NREP: variants seen among roughly 807,000 people sequenced by gnomAD.
NREP encodes the protein neuronal regeneration related protein.
Under a neutral mutation model 8.6 loss-of-function variants are expected in NREP, and 5 were observed. The observed-to-expected ratio is 0.58, with a 90% confidence interval of 0.30 to 1.22. NREP has a LOEUF of 1.22. Ranked by LOEUF, NREP falls within the 50% of genes most tolerant of loss-of-function variation. NREP has a pLI of 0.07. For synonymous variants in NREP, 27 were observed against 28.0 expected, an observed-to-expected ratio of 0.96 and a Z score of 0.11; for missense variants, 86 against 82.5, an observed-to-expected ratio of 1.04 and a Z score of -0.17.
chr5:111,824,940 A>G (rs1752588602), intron 2 of NREP, among the ~76,000 whole-genome samples: 1 of 152,196 alleles, frequency 6.6e-6, no homozygotes, highest in African/African-American at 2.4e-5. Flanking sequence ...CAATAAATGC[A>G]TTACATATAT....
At chr5:111,779,911 T>G (rs1751453538) in intron 2 of NREP, among the ~76,000 whole-genome samples, 2 of 152,222 alleles carry the variant, frequency 1.3e-5, no homozygotes, top group Non-Finnish European at 2.9e-5. Context: ...ATTTTTATTT[T>G]TGCCTCAGAA....
chr5:111,925,490 T>A (rs1278620530), intron 2 of NREP, among the ~76,000 whole-genome samples: 1 of 152,146 alleles, frequency 6.6e-6, no homozygotes, highest in Non-Finnish European at 1.5e-5. Flanking sequence ...CTCCTCCCGA[T>A]CCCTGCTGTA....
At position 111,730,528 on chromosome 5, in the gene NREP, G is replaced by GA. The variant is rs1229497896; in HGVS notation, c.*392dup. 3.0e-3 allele frequency: 349 copies of GA among 115,696 alleles called. 1 individual carries two copies. Among genetic ancestry groups the GA allele is most frequent in the African/African-American group, 0.012 (331 of 26,906 alleles). The allele number at this position is 115,696 out of a possible 1,614,324, so 7.2% of individuals were successfully genotyped here. A position where few individuals can be genotyped will look rare whatever the true frequency, so the allele number is the denominator to read the frequency against. On this transcript the variant is annotated 3_prime_UTR_variant, in exon 4 of 4. Coordinates refer to ENST00000257435, the MANE Select transcript of NREP (RefSeq NM_004772.4). ...ACTACTAGGTTTGTTACATCTAAAT[G>GA]AAAAAAAAGGTGGGGGGGGGACTCT...
intron 2 of NREP, among the ~76,000 whole-genome samples, chr5:111,875,928 G>A (rs559481637): frequency 2.6e-5 from 4 of 152,282 alleles, no homozygotes; most frequent in Admixed American, 2.0e-4. Flanking sequence ...CCGATCTGCC[G>A]TGAAATGTAA....
At chr5:111,877,742 G>T (rs1753944791) in intron 2 of NREP, among the ~76,000 whole-genome samples, 1 of 152,156 alleles carries the variant, frequency 6.6e-6, no homozygotes, top group Non-Finnish European at 1.5e-5. Flanking sequence ...CCAAAAACAT[G>T]GTTGATATAA....
chr5:111,776,443 T>A (rs1301166058), intron 2 of NREP, among the ~76,000 whole-genome samples: 2 of 152,164 alleles, frequency 1.3e-5, no homozygotes, highest in Non-Finnish European at 2.9e-5. Context: ...TACACCTACC[T>A]ATTGCATGAC....
intron 2 of NREP, among the ~76,000 whole-genome samples, chr5:111,807,511 T>C (rs1468442949): frequency 6.6e-6 from 1 of 152,172 alleles, no homozygotes; most frequent in Admixed American, 6.5e-5. Context: ...AAAATTTTCA[T>C]TTTAAACAAG....
At chr5:111,732,053 A>T (rs1335618485) in intron 3 of NREP, 1 of 152,080 alleles carries the variant, frequency 6.6e-6, no homozygotes, top group Admixed American at 6.5e-5. Flanking sequence ...ATTTTCTTGG[A>T]AGAAATTATC....
At chr5:111,976,671 C>T (rs1365303130) in intron 1 of NREP, 1 of 1,505,206 alleles carries the variant, frequency 6.6e-7, no homozygotes, top group Non-Finnish European at 9.0e-7. Context: ...TTAAAAATGT[C>T]CCCTCATATG....
intron 2 of NREP, among the ~76,000 whole-genome samples, chr5:111,824,601 A>T (rs1233673507): frequency 6.6e-6 from 1 of 152,162 alleles, no homozygotes; most frequent in East Asian, 1.9e-4. Context: ...TGTTGATGGA[A>T]GGGCACATTT....
chr5:111,942,266 A>G (rs953144528), intron 2 of NREP, among the ~76,000 whole-genome samples: 2 of 152,060 alleles, frequency 1.3e-5, no homozygotes, highest in African/African-American at 4.8e-5. Flanking sequence ...ATGACACCAA[A>G]TAACACTAAA....
At chr5:111,793,608 A>G (rs141630236) in intron 2 of NREP, among the ~76,000 whole-genome samples, 1 of 152,284 alleles carries the variant, frequency 6.6e-6, no homozygotes, top group East Asian at 1.9e-4. Flanking sequence ...ACAGTCACAA[A>G]CACACTCAGA....
intron 1 of NREP, among the ~76,000 whole-genome samples, chr5:111,976,096 T>A (rs1472277803): frequency 6.6e-6 from 1 of 152,180 alleles, no homozygotes; most frequent in Non-Finnish European, 1.5e-5. Flanking sequence ...ATTGTGCATA[T>A]TGTTTTGAGA....
chr5:111,883,169 T>C (rs943169989), intron 2 of NREP, among the ~76,000 whole-genome samples: 1 of 151,900 alleles, frequency 6.6e-6, no homozygotes, highest in Admixed American at 6.6e-5. Flanking sequence ...AAGGCAGGGG[T>C]TGCAATGCTA....
chr5:111,770,868 C>T (rs1751203250), intron 2 of NREP, among the ~76,000 whole-genome samples: 1 of 151,966 alleles, frequency 6.6e-6, no homozygotes, highest in African/African-American at 2.4e-5. Context: ...CTAAGCCAAG[C>T]TAATGAATTA....
intron 2 of NREP, among the ~76,000 whole-genome samples, chr5:111,902,783 C>G (rs1203536818): frequency 1.3e-5 from 2 of 152,170 alleles, no homozygotes; most frequent in Non-Finnish European, 2.9e-5. Flanking sequence ...TCTCATCAAA[C>G]AGAGCAATCT....
intron 2 of NREP, among the ~76,000 whole-genome samples, chr5:111,856,189 C>A (rs1753423578): frequency 6.6e-6 from 1 of 152,176 alleles, no homozygotes; most frequent in Non-Finnish European, 1.5e-5. Context: ...GTTACCAAAT[C>A]TAGCTGCTTT....
rs144002230 is a variant in NREP, at chr5:111,910,403, C to T, written c.135+64871G>A. 5.3e-3 allele frequency among the ~76,000 whole-genome samples: 808 copies of T among 151,868 alleles called. 12 individuals carry two copies. Among genetic ancestry groups the T allele is most frequent in the African/African-American group, 0.019 (767 of 41,376 alleles). On this transcript the variant is annotated intron_variant, in intron 2 of 3. Transcript: ENST00000395634. Reference sequence around the variant, plus strand: ...AACAGCACAGAGGGTCAATGTGTGGCGACAAATTGGCTGCTATCTTTTTTG... The same window carrying T: ...AACAGCACAGAGGGTCAATGTGTGGTGACAAATTGGCTGCTATCTTTTTTG...
At chr5:111,866,144 G>A (rs1249380766) in intron 2 of NREP, among the ~76,000 whole-genome samples, 1 of 152,060 alleles carries the variant, frequency 6.6e-6, no homozygotes, top group African/African-American at 2.4e-5. Flanking sequence ...AGCCAAAATG[G>A]ACAAATGGGA....
Sources: allele counts gnomAD v4.1 joint callset (sites outside exome capture counted in the v4.1 genomes callset), GRCh38; gene constraint gnomAD v4.1.1; transcripts MANE v1.5; gene names NCBI Gene and HGNC (gene_info 2026-07-23, HGNC 2026-07-21).